Variants in ITPRID2 observed in about 807,000 individuals in gnomAD.
ITPRID2 encodes the protein ITPR interacting domain containing 2.
Under a neutral mutation model 124.3 loss-of-function variants are expected in ITPRID2, and 60 were observed. The observed-to-expected ratio is 0.48, with a 90% confidence interval of 0.39 to 0.60. The LOEUF is 0.60. Ranked by LOEUF, ITPRID2 falls within the 20% of genes least tolerant of loss-of-function variation. The pLI is 0.00. For synonymous variants in ITPRID2, 521 were observed against 542.9 expected (o/e 0.96, Z 0.56); for missense variants, 1,553 against 1,512.2 (o/e 1.03, Z -0.45).
Position 181,902,195 on chromosome 2 carries a change from A to G in ITPRID2, c.1142A>G (p.Asp381Gly). 1.2e-6 allele frequency: 2 copies of G among 1,613,714 alleles called. No individual in the cohort carries two copies. The highest frequency in any genetic ancestry group is 2.2e-5 in the East Asian group (1 of 44,866). Residue 381 changes from aspartate (D) to glycine (G), a missense_variant, in exon 8 of 18, where the codon GAT becomes GGT. Coordinates refer to ENST00000431877, the MANE Select transcript of ITPRID2 (RefSeq NM_001130445.3). This position sits in a 1 kb window ranked among gnomAD's most constrained non-coding sequence, Gnocchi z 4.4. ...AATGCTGATAGTGATAGAATTTCTGATGAAGCAAATAGTAATTTTAACCAA... is the reference window on the plus strand; with the variant it reads ...AATGCTGATAGTGATAGAATTTCTGGTGAAGCAAATAGTAATTTTAACCAA... ...TENADSDRIS[D>G]EANSNFNQGT... is the part of the protein sequence containing the mutation.
chr2:181,919,044 G>A lies in ITPRID2; in HGVS notation c.2993+162G>A, dbSNP rs1694287892. ...TTAGTCATAGATAGTGTTTTACTAA[G>A]TAAACTTGTATGCCTTCAATATCCT... On this transcript the variant is annotated intron_variant, in intron 13 of 17. Transcript: ENST00000431877. The surrounding 1 kb of genome is among the most constrained non-coding windows in gnomAD (Gnocchi z 4.2). Among the ~76,000 whole-genome samples the A allele has an allele frequency of 6.6e-6, 1 of 152,222 alleles. No individual in the cohort carries two copies. The highest frequency in any genetic ancestry group is 2.4e-5 in the African/African-American group (1 of 41,448).
At chr2:181,925,773 G>A (rs1443405268) in intron 16 of ITPRID2, among the ~76,000 whole-genome samples, 1 of 152,046 alleles carries the variant, frequency 6.6e-6, no homozygotes, top group Non-Finnish European at 1.5e-5. Flanking sequence ...TGGCAGTCAG[G>A]CTCCATTATA....
At chr2:181,901,146 A>G (rs1692633438) in intron 7 of ITPRID2, among the ~76,000 whole-genome samples, 1 of 152,170 alleles carries the variant, frequency 6.6e-6, no homozygotes, top group East Asian at 1.9e-4. Flanking sequence ...ACTTATTTGC[A>G]GAACCTTATT....
chr2:181,911,285 A>G (rs1344826154), intron 9 of ITPRID2, among the ~76,000 whole-genome samples: 1 of 152,186 alleles, frequency 6.6e-6, no homozygotes, highest in African/African-American at 2.4e-5. Flanking sequence ...CTCGTAATAT[A>G]TTTACTTCAA....
rs1202137170 is a variant in ITPRID2, at chr2:181,919,153, C to T, written c.2994-143C>T. 1 of 951,638 alleles carries T rather than the reference C, an allele frequency of 1.1e-6. No individual in the cohort carries two copies. The highest frequency in any genetic ancestry group is 2.5e-5 in the Admixed American group (1 of 40,728). 58.9% of individuals were successfully genotyped at this position (951,638 alleles called of 1,614,324 possible). A position where few individuals can be genotyped will look rare whatever the true frequency, so the allele number is the denominator to read the frequency against. On this transcript the variant is annotated intron_variant, in intron 13 of 17. Coordinates refer to ENST00000431877, the MANE Select transcript of ITPRID2 (RefSeq NM_001130445.3). This position sits in a 1 kb window ranked among gnomAD's most constrained non-coding sequence, Gnocchi z 4.2. ...AAAGACTAATGTCCTTGTGGATACA[C>T]CTATTGTAGTTGATATTGTACTAAT...
In ITPRID2 at chr2:181,915,832, G is replaced by T; in HGVS notation, c.2192G>T (p.Gly731Val). The T allele has an allele frequency of 6.2e-7, 1 of 1,614,128 alleles. No homozygotes were observed. The highest frequency in any genetic ancestry group is 1.3e-5 in the African/African-American group (1 of 75,018). Residue 731 changes from glycine to valine, a missense_variant, in exon 11 of 18, where the codon GGC becomes GTC. Transcript: ENST00000431877. ...CAAAGGTACTTATTTGCAAAAGCTG[G>T]CTATCCTCTAAGAAGGTCTCAGTCT... The part of the protein sequence containing the change: ...LKQRYLFAKA[G>V]YPLRRSQSLP...
rs1301389814 is a variant in ITPRID2, at chr2:181,902,090, T to C, written c.1037T>C (p.Ile346Thr). Reference sequence around the variant, plus strand: ...AAAAACGATCAAAAGTCTCAAAAAATTATGAAGAAGAAAGAGTCATCTTCT... The same window carrying C: ...AAAAACGATCAAAAGTCTCAAAAAACTATGAAGAAGAAAGAGTCATCTTCT... ...GNKNDQKSQK[I>T]MKKKESSSML... Residue 346 changes from isoleucine to threonine, a missense_variant, in exon 8 of 18, where the codon ATT becomes ACT. Physicochemically the swap from Ile to Thr is moderately conservative, Grantham distance 89. Coordinates refer to ENST00000431877, the MANE Select transcript of ITPRID2 (RefSeq NM_001130445.3). The surrounding 1 kb of genome is among the most constrained non-coding windows in gnomAD (Gnocchi z 4.4). The C allele has an allele frequency of 1.9e-6, 3 of 1,610,596 alleles. No homozygotes were observed. The highest frequency in any genetic ancestry group is 2.5e-6 in the Non-Finnish European group (3 of 1,178,896).
chr2:181,892,810 A>C lies in ITPRID2; in HGVS notation c.257+150A>C. On this transcript the variant is annotated intron_variant, in intron 2 of 17. Coordinates refer to ENST00000431877, the MANE Select transcript of ITPRID2 (RefSeq NM_001130445.3). This position sits in a 1 kb window ranked among gnomAD's most constrained non-coding sequence, Gnocchi z 5.2. Reference sequence around the variant, plus strand: ...AGCCGGCGGATAGCTTCCTCCTCTAAGCGATTAGAAATGGAAGTGCTGTGA... The same window carrying C: ...AGCCGGCGGATAGCTTCCTCCTCTACGCGATTAGAAATGGAAGTGCTGTGA... The C allele has an allele frequency of 1.2e-6, 1 of 836,542 alleles. No individual in the cohort carries two copies. The highest frequency in any genetic ancestry group is 1.9e-6 in the Non-Finnish European group (1 of 524,270). 51.8% of individuals were successfully genotyped at this position (836,542 alleles called of 1,614,324 possible). A position where few individuals can be genotyped will look rare whatever the true frequency, so the allele number is the denominator to read the frequency against.
rs117676826 is a variant in ITPRID2, at chr2:181,925,830, A to G, written c.3676-2331A>G. Among the ~76,000 whole-genome samples the G allele has an allele frequency of 1.5e-3, 235 of 152,322 alleles. 8 individuals carry two copies. In the East Asian group the frequency reaches 0.04, roughly 26 times the overall value. On this transcript the variant is annotated intron_variant, in intron 16 of 17. Transcript: ENST00000431877. ...TCTTGCTACAGAGTTTTCTATCTCC[A>G]CTGTCATCTGAAATTGTTCTTTCTT...
chr2:181,899,123 C>A lies in ITPRID2; in HGVS notation c.503+11C>A. 6.4e-7 allele frequency: 1 copy of A among 1,567,778 alleles called. No individual in the cohort carries two copies. Among genetic ancestry groups the A allele is most frequent in the Non-Finnish European group, 8.7e-7 (1 of 1,152,248 alleles). On this transcript the variant is annotated intron_variant, in intron 6 of 17. Transcript: ENST00000431877. Reference sequence around the variant, plus strand: ...TGGGACAGTTTCAAGGTAACTTATTCTGAAATTGTGTTGGAATTACATTGT... The same window carrying A: ...TGGGACAGTTTCAAGGTAACTTATTATGAAATTGTGTTGGAATTACATTGT...
At position 181,919,922 on chromosome 2, in the gene ITPRID2, C is replaced by T. The variant is rs1040261796; in HGVS notation, c.3144+476C>T. Reference sequence around the variant, plus strand: ...CAAATGATACCTGTATATTTTCATACATATATATACATACACATACATATA... The same window carrying T: ...CAAATGATACCTGTATATTTTCATATATATATATACATACACATACATATA... On this transcript the variant is annotated intron_variant, in intron 14 of 17. Coordinates refer to ENST00000431877, the MANE Select transcript of ITPRID2 (RefSeq NM_001130445.3). This position sits in a 1 kb window ranked among gnomAD's most constrained non-coding sequence, Gnocchi z 4.2. Among the ~76,000 whole-genome samples the T allele has an allele frequency of 1.3e-5, 2 of 151,554 alleles. No homozygotes were observed. The highest frequency in any genetic ancestry group is 2.4e-5 in the African/African-American group (1 of 41,304).
At position 181,919,443 on chromosome 2, in the gene ITPRID2, C is replaced by A; in HGVS notation, c.3141C>A (p.Leu1047=). 6.3e-7 allele frequency: 1 copy of A among 1,578,568 alleles called. No individual in the cohort carries two copies. The highest frequency in any genetic ancestry group is 1.2e-5 in the South Asian group (1 of 86,766). Residue 1047 remains leucine (L), a synonymous_variant, in exon 14 of 18, where the codon CTC becomes CTA. Coordinates refer to ENST00000431877, the MANE Select transcript of ITPRID2 (RefSeq NM_001130445.3). The surrounding 1 kb of genome is among the most constrained non-coding windows in gnomAD (Gnocchi z 4.2). ...RMPSPFRSSA[L]MGMCGSRSAD... ...CTTCACCCTTCCGCTCCTCCGCACT[C>A]ATGGTACGCTACCTGGAGGGTGGTC...
Position 181,922,195 on chromosome 2 carries a change from T to A in ITPRID2, c.3458T>A (p.Val1153Glu). 6.2e-7 allele frequency: 1 copy of A among 1,614,240 alleles called. No homozygotes were observed. Among genetic ancestry groups the A allele is most frequent in the East Asian group, 2.2e-5 (1 of 44,888 alleles). The change falls in exon 16 of 18, where the codon GTG becomes GAG. Residue 1153 changes from valine (V) to glutamate (E), a missense_variant. Transcript: ENST00000431877. ...AGGAAGAAAGTGTTCCGAGCATCGG[T>A]GGCTCTAACGCCAACAGCTCCTTCT... ...VARKKVFRASVALTPTAPSRT... is the reference protein window; with the variant it reads ...VARKKVFRASEALTPTAPSRT...
In ITPRID2 at chr2:181,916,127, T is replaced by C; in HGVS notation, c.2487T>C (p.Pro829=). The C allele has an allele frequency of 6.2e-7, 1 of 1,614,222 alleles. No homozygotes were observed. Among genetic ancestry groups the C allele is most frequent in the Non-Finnish European group, 8.5e-7 (1 of 1,180,032 alleles). Residue 829 remains proline, a synonymous_variant, in exon 11 of 18, where the codon CCT becomes CCC. Coordinates refer to ENST00000431877, the MANE Select transcript of ITPRID2 (RefSeq NM_001130445.3). ...AGGAATGCCATCATGGAAGGACTCC[T>C]ACCTGTTCACGGCTTGCTCCACCAC... ...RVEECHHGRT[P]TCSRLAPPPM... is the part of the protein sequence containing the mutation.
At chr2:181,920,815 C>T (rs1462145152) in intron 15 of ITPRID2, among the ~76,000 whole-genome samples, 153 bp downstream of exon 15, 1 of 151,958 alleles carries the variant, frequency 6.6e-6, no homozygotes, top group Non-Finnish European at 1.5e-5. Context: ...TTTGAAAGTC[C>T]ATTGCTGTCT....
At position 181,902,240 on chromosome 2, in the gene ITPRID2, G is replaced by C. The variant is rs981676338; in HGVS notation, c.1187G>C (p.Ser396Thr). ...AACCAAGGAACTGAAAATGAACAAA[G>C]TAAAGAAACTCAAAGTCATGAGAGT... ...NFNQGTENEQ[S>T]KETQSHESKL... The change falls in exon 8 of 18, where the codon AGT (serine) becomes ACT (threonine). Residue 396 changes from serine to threonine, a missense_variant. Ser to Thr is a moderately conservative substitution (Grantham distance 58). Coordinates refer to ENST00000431877, the MANE Select transcript of ITPRID2 (RefSeq NM_001130445.3). This position sits in a 1 kb window ranked among gnomAD's most constrained non-coding sequence, Gnocchi z 4.4. 28 of 1,613,046 alleles carry C rather than the reference G, an allele frequency of 1.7e-5. No individual in the cohort carries two copies. Among genetic ancestry groups the C allele is most frequent in the Non-Finnish European group, 2.4e-5 (28 of 1,179,432 alleles).
At chr2:181,923,788 A>G (rs1277977166) in intron 16 of ITPRID2, among the ~76,000 whole-genome samples, 1 of 152,138 alleles carries the variant, frequency 6.6e-6, no homozygotes, top group Admixed American at 6.5e-5. Context: ...ACTCCATTCA[A>G]TGCACACTTG....
Position 181,892,424 on chromosome 2 carries a change from G to C in ITPRID2, c.211+147G>C. The C allele has an allele frequency of 8.8e-7, 1 of 1,136,698 alleles. No homozygotes were observed. The highest frequency in any genetic ancestry group is 1.2e-6 in the Non-Finnish European group (1 of 804,696). 70.4% of individuals were successfully genotyped at this position (1,136,698 alleles called of 1,614,324 possible). ...ACACTTCCGACCTTCAAACGCGCGC[G>C]CTGAACGAGGCGCCCCCAGCGTCAA... On this transcript the variant is annotated intron_variant, in intron 1 of 17. Transcript: ENST00000431877. This position sits in a 1 kb window ranked among gnomAD's most constrained non-coding sequence, Gnocchi z 5.2.
intron 9 of ITPRID2, among the ~76,000 whole-genome samples, chr2:181,911,972 C>T (rs541788779): frequency 6.6e-6 from 1 of 152,272 alleles, no homozygotes; most frequent in East Asian, 1.9e-4. Flanking sequence ...TTAGACAGGG[C>T]TTAGCAACTG....
Sources: gnomAD v4.1 joint callset for allele counts (sites outside exome capture counted in the v4.1 genomes callset) on GRCh38, gnomAD v4.1.1 for gene constraint, Gnocchi (gnomAD v3.1) non-coding constraint, MANE v1.5 for transcripts, NCBI Gene and HGNC (gene_info 2026-07-23, HGNC 2026-07-21) for gene names.